ATP13A4: variants seen among roughly 807,000 people sequenced by gnomAD.
ATP13A4 encodes ATPase 13A4, also known as probable cation-transporting ATPase 13A4.
A neutral mutation model predicts 142.5 loss-of-function variants in ATP13A4; 114 were observed. That is an observed-to-expected ratio of 0.80 (90% CI 0.69 to 0.93). The LOEUF (loss-of-function observed/expected upper bound fraction) is 0.93, where lower values mean the gene tolerates loss of function less well. Ranked by LOEUF, ATP13A4 falls within the 40% of genes least tolerant of loss-of-function variation. The probability of loss-of-function intolerance (pLI) is 0.00; values close to 1 mark genes in which losing one functional copy is unlikely to be tolerated. For missense variants in ATP13A4, 1,392 were observed against 1,454.0 expected, an observed-to-expected ratio of 0.96 and a Z score of 0.69; for synonymous variants, 488 against 514.8, an observed-to-expected ratio of 0.95 and a Z score of 0.70.
chr3:193,535,788 A>G (rs1722561656), intron 1 of ATP13A4, among the ~76,000 whole-genome samples: 1 of 152,142 alleles, frequency 6.6e-6, no homozygotes, highest in African/African-American at 2.4e-5. Flanking sequence ...GAGAAAAAAA[A>G]GAGAAGAGAC....
exon 1 of ATP13A4, chr3:193,593,044 A>C: frequency 3.0e-6 from 1 of 332,148 alleles, no homozygotes; most frequent in East Asian, 4.7e-5. Context: ...TCCGAATTCC[A>C]AATCGGAAGC....
intron 27 of ATP13A4, among the ~76,000 whole-genome samples, chr3:193,411,348 A>G (rs1714757483): frequency 6.6e-6 from 1 of 152,220 alleles, no homozygotes; most frequent in Admixed American, 6.5e-5. Context: ...TACATGTTCA[A>G]TAAATGCCTT....
chr3:193,435,796 G>T (rs751780779), intron 23 of ATP13A4, 52 bp from the exon 24 acceptor site: 4 of 1,466,326 alleles, frequency 2.7e-6, no homozygotes, highest in Non-Finnish European at 3.8e-6. Context: ...AAGACATAAG[G>T]TCAGTCATTC....
intron 12 of ATP13A4, 77 bp downstream of exon 12, chr3:193,464,863 C>A (rs909660297): frequency 8.1e-6 from 12 of 1,486,604 alleles, no homozygotes; most frequent in Non-Finnish European, 1.0e-5. Flanking sequence ...TCCTGCCTTG[C>A]AAGGGGGTAA....
intron 7 of ATP13A4, among the ~76,000 whole-genome samples, chr3:193,487,447 T>A (rs747359398): frequency 7.2e-5 from 11 of 152,170 alleles, no homozygotes; most frequent in Non-Finnish European, 1.6e-4. Context: ...AGAAAAACAC[T>A]TATCTACTGT....
At chr3:193,508,967 G>C (rs1179529196) in intron 2 of ATP13A4, among the ~76,000 whole-genome samples, 2 of 146,638 alleles carry the variant, frequency 1.4e-5, no homozygotes, top group Non-Finnish European at 3.0e-5. Flanking sequence ...TCTTCAAAAA[G>C]CTTATAATCT....
intron 9 of ATP13A4, among the ~76,000 whole-genome samples, chr3:193,470,260 C>T (rs1321766304): frequency 6.6e-6 from 1 of 152,176 alleles, no homozygotes; most frequent in Non-Finnish European, 1.5e-5. Context: ...ACCTCAGTTG[C>T]CATGCCTATG....
At chr3:193,579,440 A>G in intron 2 of ATP13A4, 1 of 181,190 alleles carries the variant, frequency 5.5e-6, no homozygotes, top group Non-Finnish European at 1.2e-5. Flanking sequence ...GGTTTTCATG[A>G]CACCTGTGTT....
rs899094877 is a variant in ATP13A4, at chr3:193,578,414, T to C, written n.291+3293A>G. Among the ~76,000 whole-genome samples, 9 of 152,312 alleles carry C rather than the reference T, an allele frequency of 5.9e-5. No individual in the cohort carries two copies. In the South Asian group the frequency reaches 1.7e-3, roughly 28 times the overall value. On this transcript the variant is annotated intron_variant and non_coding_transcript_variant, in intron 2 of 3. Coordinates refer to the ATP13A4 transcript ENST00000489140. ...TCTACACCTTCACTTAGTTGGTTTC[T>C]GGGAAGCAACTGCTGCCATTTTGGT...
Position 193,454,091 on chromosome 3 carries a change from C to T in ATP13A4, c.2027+10G>A. The T allele has an allele frequency of 5.7e-6, 9 of 1,592,812 alleles. No homozygotes were observed. Among genetic ancestry groups the T allele is most frequent in the Non-Finnish European group, 7.8e-6 (9 of 1,160,556 alleles). On this transcript the variant is annotated intron_variant, in intron 17 of 29. Coordinates refer to ENST00000342695, the MANE Select transcript of ATP13A4 (RefSeq NM_032279.4). ...AACCTTTCTGCTTTATCAAAATCAT[C>T]CCCATTTACCTCGTCAAGGTAGTAG...
chr3:193,582,836 AT>A (rs1443076727), intron 1 of ATP13A4, among the ~76,000 whole-genome samples: 1 of 15,412 alleles, frequency 6.5e-5, no homozygotes, highest in Non-Finnish European at 9.3e-5. Context: ...CATATATAAA[AT>A]ATATATGTAT....
At chr3:193,553,345 A>C (rs532960186) in intron 1 of ATP13A4, 1 of 152,300 alleles carries the variant, frequency 6.6e-6, no homozygotes, top group African/African-American at 2.4e-5. Flanking sequence ...TCTTATTGAG[A>C]CTTGAAAGAC....
rs140186769 is a variant in ATP13A4, at chr3:193,502,496, T to C, written c.378A>G (p.Leu126=). The C allele has an allele frequency of 5.3e-5, 86 of 1,613,926 alleles. No individual in the cohort carries two copies. The highest frequency in any genetic ancestry group is 4.7e-4 in the Admixed American group (28 of 60,004). Residue 126 remains leucine, a synonymous_variant, in exon 3 of 30, where the codon CTA becomes CTG. Coordinates refer to ENST00000342695, the MANE Select transcript of ATP13A4 (RefSeq NM_032279.4). ...IINRAIRKPD[L]KVRCIKVQKI... is the part of the protein sequence containing the mutation. ...CAGTAGCCATAAGTTTACTTACCTT[T>C]AGGTCTGGCTTTCTTATGGCTCTAT...
rs539360869 is a variant in ATP13A4 at position 193,456,532 on chromosome 3, A to T, written c.1915+468T>A. 1.4e-4 allele frequency among the ~76,000 whole-genome samples: 22 copies of T among 152,324 alleles called. No homozygotes were observed. In the South Asian group the frequency reaches 4.6e-3, roughly 32 times the overall value. On this transcript the variant is annotated intron_variant, in intron 16 of 29. Transcript: ENST00000342695. ...ACCTGAAAGCCTTATATATGATCCT[A>T]AAGAAATTTGAGATTATACTGGAGC...
At chr3:193,543,431 A>C (rs1371783274) in intron 1 of ATP13A4, among the ~76,000 whole-genome samples, 1 of 152,178 alleles carries the variant, frequency 6.6e-6, no homozygotes, top group African/African-American at 2.4e-5. Context: ...GAACTTTTAT[A>C]AGAAACAAAC....
chr3:193,434,147 G>A (rs1481908355), intron 24 of ATP13A4, among the ~76,000 whole-genome samples: 1 of 151,982 alleles, frequency 6.6e-6, no homozygotes, highest in African/African-American at 2.4e-5. Context: ...GTGCTTTCAG[G>A]GTGGGATTGT....
In ATP13A4 at chr3:193,517,591, C is replaced by T. The variant is rs1204919145; in HGVS notation, c.61-2720G>A. On this transcript the variant is annotated intron_variant, in intron 1 of 29. Coordinates refer to ENST00000342695, the MANE Select transcript of ATP13A4 (RefSeq NM_032279.4). ...CGCCTCCCGGGTTCACGCCATTCTC[C>T]TGCCTCAGCCTCCCGAGTAGCTGGG... Among the ~76,000 whole-genome samples, 4 of 152,228 alleles carry T rather than the reference C, an allele frequency of 2.6e-5. No individual in the cohort carries two copies. In the South Asian group the frequency reaches 6.2e-4, roughly 24 times the overall value.
In ATP13A4 at chr3:193,465,117, C is replaced by T. The variant is rs61740359; in HGVS notation, c.1284G>A (p.Glu428=). 759 of 1,613,974 alleles carry T rather than the reference C, an allele frequency of 4.7e-4. 4 individuals carry two copies. In the African/African-American group the frequency reaches 9.1e-3, roughly 19 times the overall value. ...CGTCAAGGGCTTTCCTCACCACCTC[C>T]TCTGGAGGTTCCTGGACGACAGTCA... is the stretch of plus-strand genomic sequence containing the variant. ...CVYVLSGEPP[E]EVVRKALDVI... is the part of the protein sequence containing the mutation. Residue 428 remains glutamate (E), a synonymous_variant, in exon 12 of 30, where the codon GAG becomes GAA. Coordinates refer to ENST00000342695, the MANE Select transcript of ATP13A4 (RefSeq NM_032279.4).
chr3:193,409,536 C>T (rs1714663119), intron 28 of ATP13A4, among the ~76,000 whole-genome samples: 1 of 152,172 alleles, frequency 6.6e-6, no homozygotes, highest in Non-Finnish European at 1.5e-5. Context: ...ATTCAACTCA[C>T]CACATCTCAT....
Sources: gnomAD v4.1 joint callset for allele counts (sites outside exome capture counted in the v4.1 genomes callset) on GRCh38, gnomAD v4.1.1 for gene constraint, MANE v1.5 for transcripts, NCBI Gene and HGNC (gene_info 2026-07-23, HGNC 2026-07-21) for gene names.